The following EYS variants were observed in gnomAD, a reference collection of about 807,000 sequenced individuals.
The protein encoded by EYS is EGF-like photoreceptor maintenance factor.
Under a neutral mutation model 282.1 loss-of-function variants are expected in EYS, and 250 were observed. The ratio of observed to expected loss-of-function variants is 0.89; its 90% CI spans 0.80 to 0.98. EYS has a LOEUF of 0.98. Among genes scored for constraint, EYS ranks in the 50% least tolerant of loss-of-function variants. The pLI is 0.00. For synonymous variants in EYS, 1,355 were observed against 1,282.9 expected (o/e 1.06, Z -1.20); for missense variants, 4,016 against 3,709.0 (o/e 1.08, Z -2.15).
intron 30 of EYS, among the ~76,000 whole-genome samples, chr6:64,278,717 A>ACTCTCTCTCTCTCTCT (rs113366162): frequency 1.4e-4 from 20 of 142,056 alleles, no homozygotes; most frequent in African/African-American, 4.6e-4. Context: ...TCAGCCAAAA[A>ACTCTCTCTCTCTCTCT]CTCTCTCTCT....
At chr6:65,004,463 T>A (rs1048693052) in intron 13 of EYS, among the ~76,000 whole-genome samples, 7 of 147,710 alleles carry the variant, frequency 4.7e-5, no homozygotes, top group African/African-American at 1.7e-4. Context: ...CTCACTGTCA[T>A]AGCAATATCC....
chr6:65,246,525 A>G (rs1229700494), intron 12 of EYS, among the ~76,000 whole-genome samples: 8 of 152,140 alleles, frequency 5.3e-5, no homozygotes, highest in Non-Finnish European at 1.2e-4. Flanking sequence ...AAGTATATCC[A>G]CAAGGATTCA....
chr6:65,270,544 G>A (rs1040338369), intron 12 of EYS, among the ~76,000 whole-genome samples: 1 of 152,000 alleles, frequency 6.6e-6, no homozygotes, highest in East Asian at 1.9e-4. Context: ...TTTGTGATAT[G>A]GATAGGCTGA....
Position 65,269,572 on chromosome 6 carries a change from A to G in EYS, c.2023+26291T>C, listed in dbSNP as rs186106258. Among the ~76,000 whole-genome samples, 341 of 152,220 alleles carry G rather than the reference A, an allele frequency of 2.2e-3. 3 individuals are homozygous for G. Among genetic ancestry groups the G allele is most frequent in the African/African-American group, 7.8e-3 (322 of 41,532 alleles). ...AAAGCTACAGAATCTGAGTTATGGC[A>G]CTCATGGAGACTGTCTTAATTCAGC... On this transcript the variant is annotated intron_variant, in intron 12 of 42. Transcript: ENST00000503581.
chr6:65,494,963 T>C lies in EYS; in HGVS notation c.448A>G (p.Thr150Ala), dbSNP rs1766192321. Residue 150 changes from threonine to alanine, a missense_variant, in exon 4 of 43, where the codon ACA (threonine) becomes GCA (alanine). By Grantham distance (58) the Thr-to-Ala change is moderately conservative. Coordinates refer to ENST00000503581, the MANE Select transcript of EYS (RefSeq NM_001142800.2). ...GGTGATGGACCACTTGCCATAACTG[T>C]GATAAAATAATGTGTCCCAACACTC... is the stretch of plus-strand genomic sequence containing the variant. ...WLSVGTHYFI[T>A]VMASGPSPCP... 3 of 1,614,136 alleles carry C rather than the reference T, an allele frequency of 1.9e-6. No homozygotes were observed. Among genetic ancestry groups the C allele is most frequent in the South Asian group, 1.1e-5 (1 of 91,084 alleles).
intron 12 of EYS, among the ~76,000 whole-genome samples, chr6:65,158,106 A>T (rs1294147078): frequency 7.3e-5 from 11 of 150,926 alleles, no homozygotes; most frequent in Admixed American, 4.6e-4. Context: ...ATATTACACA[A>T]TATACATCAA....
intron 22 of EYS, among the ~76,000 whole-genome samples, chr6:64,806,778 G>A (rs577087032): frequency 3.9e-5 from 6 of 151,948 alleles, no homozygotes; most frequent in Admixed American, 6.6e-5. Flanking sequence ...TTGTGGGGAT[G>A]GATGAGGACT....
At chr6:65,536,643 A>G (rs973825614) in intron 2 of EYS, among the ~76,000 whole-genome samples, 1 of 152,166 alleles carries the variant, frequency 6.6e-6, no homozygotes. Flanking sequence ...TATTTTTTAC[A>G]TGCTTGTCTG....
chr6:63,727,587 G>T (rs189694344), intron 41 of EYS, among the ~76,000 whole-genome samples: 242 of 149,010 alleles, frequency 1.6e-3, no homozygotes, highest in Middle Eastern at 6.9e-3. Context: ...AGCCAGGATG[G>T]AGGCTGGGCA....
intron 30 of EYS, among the ~76,000 whole-genome samples, chr6:64,274,134 C>G (rs944742614): frequency 6.6e-6 from 1 of 152,160 alleles, no homozygotes; most frequent in Non-Finnish European, 1.5e-5. Flanking sequence ...CAGGTCTATA[C>G]GCTATGGCCC....
At chr6:64,181,075 T>C (rs1764775487) in intron 31 of EYS, among the ~76,000 whole-genome samples, 1 of 152,160 alleles carries the variant, frequency 6.6e-6, no homozygotes, top group South Asian at 2.1e-4. Flanking sequence ...GCTCCTGCTT[T>C]AGAAACTATA....
intron 35 of EYS, among the ~76,000 whole-genome samples, chr6:63,942,676 GAAGAAT>G (rs1765278620): frequency 1.3e-5 from 2 of 152,154 alleles, no homozygotes; most frequent in African/African-American, 4.8e-5. Flanking sequence ...GCAAACAGTG[GAAGAAT>G]AATTGGTACC....
At chr6:64,711,796 C>T (rs1277837890) in intron 22 of EYS, among the ~76,000 whole-genome samples, 1 of 152,152 alleles carries the variant, frequency 6.6e-6, no homozygotes, top group East Asian at 1.9e-4. Flanking sequence ...CAGGTTGTCT[C>T]TTCCCCGAAG....
At chr6:64,045,358 A>T (rs771549986) in intron 33 of EYS, among the ~76,000 whole-genome samples, 1 of 150,550 alleles carries the variant, frequency 6.6e-6, no homozygotes, top group Non-Finnish European at 1.5e-5. Context: ...AGAGTAACTC[A>T]TTTTTTAATG....
At chr6:65,536,324 A>ATT (rs71864647) in intron 2 of EYS, among the ~76,000 whole-genome samples, 17 of 145,992 alleles carry the variant, frequency 1.2e-4, no homozygotes, top group African/African-American at 4.2e-4. Context: ...AGTAGCAGAG[A>ATT]TTTTTTTTTT....
chr6:65,024,545 A>T (rs1772341753), intron 13 of EYS, among the ~76,000 whole-genome samples: 1 of 152,210 alleles, frequency 6.6e-6, no homozygotes, highest in Non-Finnish European at 1.5e-5. Context: ...TTCATGCGTC[A>T]CGAATGTGGT....
intron 26 of EYS, among the ~76,000 whole-genome samples, chr6:64,539,259 C>A (rs941814188): frequency 6.6e-6 from 1 of 152,066 alleles, no homozygotes; most frequent in Non-Finnish European, 1.5e-5. Context: ...ATGTATTTTA[C>A]CACAGGTTTT....
At chr6:65,098,567 C>T (rs561954315) in intron 12 of EYS, among the ~76,000 whole-genome samples, 13 of 150,704 alleles carry the variant, frequency 8.6e-5, no homozygotes, top group African/African-American at 2.9e-4. Flanking sequence ...TCTTTTGGAC[C>T]AGAAGAGATA....
chr6:64,379,262 A>G (rs1772665028), intron 29 of EYS, among the ~76,000 whole-genome samples: 1 of 152,196 alleles, frequency 6.6e-6, no homozygotes, highest in South Asian at 2.1e-4. Context: ...AAAGCACTTA[A>G]GCCAAAAATT....
Sources: gnomAD v4.1 joint callset for allele counts (sites outside exome capture counted in the v4.1 genomes callset) on GRCh38, gnomAD v4.1.1 for gene constraint, MANE v1.5 for transcripts, NCBI Gene and HGNC (gene_info 2026-07-23, HGNC 2026-07-21) for gene names.